LRRTM4: variants seen among roughly 807,000 people sequenced by gnomAD.
LRRTM4 encodes the protein leucine-rich repeat transmembrane neuronal protein 4.
A neutral mutation model predicts 47.6 loss-of-function variants in LRRTM4; 25 were observed. That is an observed-to-expected ratio of 0.53 (90% CI 0.38 to 0.73). The LOEUF is 0.73. Ranked by LOEUF, LRRTM4 falls within the 30% of genes least tolerant of loss-of-function variation. The probability of loss-of-function intolerance (pLI) is 0.00; values close to 1 mark genes in which losing one functional copy is unlikely to be tolerated. For synonymous variants in LRRTM4, 311 were observed against 269.5 expected, an observed-to-expected ratio of 1.15 and a Z score of -1.51; for missense variants, 638 against 713.4, an observed-to-expected ratio of 0.89 and a Z score of 1.20.
At chr2:77,101,887 C>T (rs1156949168) in intron 3 of LRRTM4, among the ~76,000 whole-genome samples, 1 of 151,474 alleles carries the variant, frequency 6.6e-6, no homozygotes, top group African/African-American at 2.5e-5. Context: ...CCCAGTTTTT[C>T]GTAAGCCTGT....
chr2:77,040,891 A>C (rs1341448734), intron 3 of LRRTM4, among the ~76,000 whole-genome samples: 10 of 151,526 alleles, frequency 6.6e-5, no homozygotes, highest in African/African-American at 1.9e-4. Context: ...ATTAGGATAA[A>C]TAGTATACCT....
At chr2:76,817,493 T>C (rs11902250) in intron 3 of LRRTM4, among the ~76,000 whole-genome samples, 52,802 of 151,680 alleles carry the variant, frequency 0.35, 9,910 homozygotes, top group East Asian at 0.61. Context: ...CCTCACTTAG[T>C]CCTCACAAAA....
intron 3 of LRRTM4, among the ~76,000 whole-genome samples, chr2:77,232,778 GA>G (rs1300376675): frequency 6.6e-6 from 1 of 152,044 alleles, no homozygotes; most frequent in African/African-American, 2.4e-5. Context: ...AACTTTAGGA[GA>G]AAAAAATTAA....
At chr2:77,318,000 CTTTTTTTTTT>C (rs61212194) in intron 3 of LRRTM4, among the ~76,000 whole-genome samples, 4 of 99,758 alleles carry the variant, frequency 4.0e-5, no homozygotes, top group Non-Finnish European at 7.4e-5. Context: ...ATTCCTAACA[CTTTTTTTTTT>C]TTTTTTTTTT....
chr2:77,098,470 T>C (rs193132828), intron 3 of LRRTM4, among the ~76,000 whole-genome samples: 35 of 152,110 alleles, frequency 2.3e-4, no homozygotes, highest in Non-Finnish European at 4.3e-4. Flanking sequence ...ATAAATTAGA[T>C]ATCTACCTCC....
intron 3 of LRRTM4, among the ~76,000 whole-genome samples, chr2:77,039,430 C>T (rs1678952128): frequency 6.6e-6 from 1 of 150,432 alleles, no homozygotes; most frequent in Non-Finnish European, 1.5e-5. Context: ...TGTCAGTTCC[C>T]TCAGAGTCAA....
At chr2:77,145,769 GT>G (rs1672241956) in intron 3 of LRRTM4, among the ~76,000 whole-genome samples, 3 of 126,134 alleles carry the variant, frequency 2.4e-5, no homozygotes, top group African/African-American at 1.3e-4. Flanking sequence ...GCGAGGCTCC[GT>G]CTCAAAAAAT....
intron 3 of LRRTM4, among the ~76,000 whole-genome samples, chr2:76,772,587 T>C (rs1673759100): frequency 6.6e-6 from 1 of 152,224 alleles, no homozygotes; most frequent in Admixed American, 6.5e-5. Context: ...TTTTTTGGCC[T>C]ATAAGCCCCT....
At chr2:76,894,534 T>G (rs2065375) in intron 3 of LRRTM4, among the ~76,000 whole-genome samples, 2 of 151,888 alleles carry the variant, frequency 1.3e-5, no homozygotes, top group Non-Finnish European at 2.9e-5. Context: ...AACAGGTCAG[T>G]TGATTATCCA....
intron 3 of LRRTM4, among the ~76,000 whole-genome samples, chr2:77,382,424 A>C (rs1174778872): frequency 6.6e-6 from 1 of 152,106 alleles, no homozygotes; most frequent in Non-Finnish European, 1.5e-5. Context: ...CAATTAATTG[A>C]TGAGCCTACA....
intron 3 of LRRTM4, among the ~76,000 whole-genome samples, chr2:76,954,377 C>A (rs1675600842): frequency 6.6e-6 from 1 of 151,144 alleles, no homozygotes; most frequent in Non-Finnish European, 1.5e-5. Context: ...CAACAAAAAA[C>A]AAAATTTTGG....
intron 3 of LRRTM4, among the ~76,000 whole-genome samples, chr2:77,314,938 A>G (rs929164525): frequency 6.6e-6 from 1 of 152,172 alleles, no homozygotes. Flanking sequence ...GCAGCGTACT[A>G]TGCTGTCAAA....
At chr2:77,491,815 A>G (rs1424064600) in intron 3 of LRRTM4, among the ~76,000 whole-genome samples, 5 of 151,822 alleles carry the variant, frequency 3.3e-5, no homozygotes, top group African/African-American at 9.7e-5. Flanking sequence ...AATGTGGGAG[A>G]CATCAGAAAT....
chr2:77,164,916 G>A (rs1248549949), intron 3 of LRRTM4, among the ~76,000 whole-genome samples: 2 of 152,092 alleles, frequency 1.3e-5, no homozygotes, highest in Non-Finnish European at 2.9e-5. Flanking sequence ...AGAGAAGCAA[G>A]AGCAAACACA....
chr2:77,475,166 A>T (rs1362501943), intron 3 of LRRTM4, among the ~76,000 whole-genome samples: 1 of 152,080 alleles, frequency 6.6e-6, no homozygotes, highest in Non-Finnish European at 1.5e-5. Flanking sequence ...TTTTTTGACT[A>T]ATATACCAAG....
chr2:77,216,223 A>G (rs996076645), intron 3 of LRRTM4, among the ~76,000 whole-genome samples: 2 of 152,240 alleles, frequency 1.3e-5, no homozygotes, highest in Admixed American at 1.3e-4. Context: ...TTGCCAGAAT[A>G]CAAAATGGAA....
At position 77,519,362 on chromosome 2, in the gene LRRTM4, T is replaced by C. The variant is rs766347804; in HGVS notation, c.507A>G (p.Leu169=). Residue 169 remains leucine, a synonymous_variant, in exon 3 of 4, where the codon CTA becomes CTG. Transcript: ENST00000409884. The surrounding 1 kb of genome is among the most constrained non-coding windows in gnomAD (Gnocchi z 4.6). ...LIILHLRSNS[L]KTVPIRVFQD... is the part of the protein sequence containing the mutation. ...GAAAAACTCTTATGGGCACAGTCTT[T>C]AGTGAGTTAGATCTCAAGTGCAAAA... 3 of 1,613,428 alleles carry C rather than the reference T, an allele frequency of 1.9e-6. No individual in the cohort carries two copies. Among genetic ancestry groups the C allele is most frequent in the Admixed American group, 3.3e-5 (2 of 59,910 alleles).
At chr2:77,517,384 T>G in intron 3 of LRRTM4, 2 of 982,248 alleles carry the variant, frequency 2.0e-6, no homozygotes, top group Non-Finnish European at 2.4e-6. Context: ...CACTTATTTT[T>G]TAATAAGTTT....
rs548583797 is a variant in LRRTM4 at position 76,906,418 on chromosome 2, C to G, written c.1552-157502G>C. On this transcript the variant is annotated intron_variant, in intron 3 of 3. Coordinates refer to ENST00000409884, the MANE Select transcript of LRRTM4 (RefSeq NM_001134745.3). ...TGCCAAATTGTAAAGACCATCGAGA[C>G]TAGGAAGAAACTGCATCAACTAACG... 3.2e-4 allele frequency among the ~76,000 whole-genome samples: 48 copies of G among 152,094 alleles called. No homozygotes were observed. The South Asian group carries it at 7.3e-3, about 23-fold the overall frequency.
Sources: gnomAD v4.1 joint callset for allele counts (sites outside exome capture counted in the v4.1 genomes callset) on GRCh38, gnomAD v4.1.1 for gene constraint, Gnocchi (gnomAD v3.1) non-coding constraint, MANE v1.5 for transcripts, NCBI Gene and HGNC (gene_info 2026-07-23, HGNC 2026-07-21) for gene names.